Variants in NARS2 observed in about 807,000 individuals in gnomAD.
NARS2 encodes the protein asparaginyl-tRNA synthetase 2, mitochondrial, also known as asparaginyl-tRNA synthetase.
A neutral mutation model predicts 62.9 loss-of-function variants in NARS2; 60 were observed. The ratio of observed to expected loss-of-function variants is 0.95; its 90% CI spans 0.77 to 1.18. The LOEUF is 1.18. NARS2 is among the 50% of genes most tolerant of loss of function. The pLI, the probability that NARS2 is intolerant of heterozygous loss-of-function variation, is 0.00. For missense variants in NARS2, 619 were observed against 576.4 expected, an observed-to-expected ratio of 1.07 and a Z score of -0.76; for synonymous variants, 196 against 200.0, an observed-to-expected ratio of 0.98 and a Z score of 0.17.
At chr11:78,467,884 G>T (rs1161634522) in intron 10 of NARS2, among the ~76,000 whole-genome samples, 1 of 151,936 alleles carries the variant, frequency 6.6e-6, no homozygotes, top group African/African-American at 2.4e-5. Context: ...GTCTTTCTCT[G>T]TCACCTAGGC....
At chr11:78,572,876 T>A (rs1192412868) in intron 1 of NARS2, among the ~76,000 whole-genome samples, 3 of 152,196 alleles carry the variant, frequency 2.0e-5, no homozygotes, top group Non-Finnish European at 4.4e-5. Context: ...TCAAAATTGG[T>A]ATGTATTTTA....
chr11:78,488,340 C>T (rs563914465), intron 7 of NARS2, among the ~76,000 whole-genome samples: 1 of 151,610 alleles, frequency 6.6e-6, no homozygotes, highest in African/African-American at 2.4e-5. Context: ...GGATCCTTTA[C>T]GTGAAAGAGG....
At chr11:78,548,326 G>A (rs1283267625) in intron 5 of NARS2, among the ~76,000 whole-genome samples, 1 of 152,200 alleles carries the variant, frequency 6.6e-6, no homozygotes, top group African/African-American at 2.4e-5. Flanking sequence ...GAAGAGGTTT[G>A]ACCTGGGTTA....
intron 2 of NARS2, among the ~76,000 whole-genome samples, chr11:78,570,466 C>G (rs1230276818): frequency 6.6e-6 from 1 of 152,206 alleles, no homozygotes; most frequent in African/African-American, 2.4e-5. Context: ...TGGCTCACCA[C>G]AGCCTTGACC....
chr11:78,444,911 AAT>A (rs1857705860), intron 11 of NARS2, among the ~76,000 whole-genome samples: 2 of 152,218 alleles, frequency 1.3e-5, no homozygotes, highest in African/African-American at 4.8e-5. Flanking sequence ...TGAAAAATGC[AAT>A]ATGTTTTGAC....
intron 5 of NARS2, chr11:78,546,502 C>A (rs1361759633): frequency 6.6e-6 from 1 of 152,198 alleles, no homozygotes; most frequent in Non-Finnish European, 1.5e-5. Context: ...CTCTATTTTA[C>A]TTTTAGATTT....
In NARS2 at chr11:78,558,883, G is replaced by A. The variant is rs1031607634; in HGVS notation, c.594+656C>T. 2.0e-5 allele frequency among the ~76,000 whole-genome samples: 3 copies of A among 152,130 alleles called. 1 individual carries two copies. Among genetic ancestry groups the A allele is most frequent in the South Asian group, 4.2e-4 (2 of 4,814 alleles). On this transcript the variant is annotated intron_variant, in intron 5 of 13. Transcript: ENST00000281038. ...ATTTATATTTTAAAATATGACTTACGTCCACAAATATTAACTGTGGATTGA... is the reference window on the plus strand; with the variant it reads ...ATTTATATTTTAAAATATGACTTACATCCACAAATATTAACTGTGGATTGA...
In NARS2 at chr11:78,472,075, T is replaced by C. The variant is rs1041393671; in HGVS notation, c.960-2762A>G. On this transcript the variant is annotated intron_variant, in intron 9 of 13. Coordinates refer to ENST00000281038, the MANE Select transcript of NARS2 (RefSeq NM_024678.6). The stretch of plus-strand genomic sequence containing the variant: ...TCATTATTAAGAAATGACTCTCATG[T>C]CTAAATATCTCCTGTTATTCCACGT... Among the ~76,000 whole-genome samples, 5 of 152,186 alleles carry C rather than the reference T, an allele frequency of 3.3e-5. No homozygotes were observed. The East Asian group carries it at 7.7e-4, about 23-fold the overall frequency.
At position 78,469,283 on chromosome 11, in the gene NARS2, T is replaced by G. The variant is rs544972589; in HGVS notation, c.990A>C (p.Leu330Phe). Residue 330 changes from leucine (L) to phenylalanine (F), a missense_variant, in exon 10 of 14, where the codon TTA (leucine) becomes TTC (phenylalanine). Physicochemically the swap from Leu to Phe is conservative, Grantham distance 22. Transcript: ENST00000281038. ...AGGTGAAGTTCTGGGATGCTTGCTT[T>G]AAGATCTCCACTGCTTCAGTATAAG... ...IISYTEAVEI[L>F]KQASQNFTFT... The G allele has an allele frequency of 3.1e-6, 5 of 1,613,262 alleles. No homozygotes were observed. The African/African-American group carries it at 5.3e-5, about 17-fold the overall frequency.
chr11:78,463,713 CAA>C (rs10649252), intron 11 of NARS2, among the ~76,000 whole-genome samples: 1,500 of 47,976 alleles, frequency 0.031, 29 homozygotes, highest in African/African-American at 0.1. Context: ...TAGTTAAGGT[CAA>C]AAAAAAAAAA....
intron 9 of NARS2, among the ~76,000 whole-genome samples, chr11:78,469,873 G>A (rs1858795278): frequency 6.6e-6 from 1 of 152,128 alleles, no homozygotes. Context: ...AGGCAGAGGG[G>A]GTTTGGGGTG....
chr11:78,503,128 A>G (rs114151592), intron 6 of NARS2, among the ~76,000 whole-genome samples: 1,646 of 152,204 alleles, frequency 0.011, 36 homozygotes, highest in African/African-American at 0.039. Context: ...GGCTTAGACA[A>G]GTGAGTAAAT....
At chr11:78,523,538 C>T (rs772983181) in intron 6 of NARS2, among the ~76,000 whole-genome samples, 3 of 152,148 alleles carry the variant, frequency 2.0e-5, no homozygotes, top group African/African-American at 7.2e-5. Flanking sequence ...ACATTACTTA[C>T]AAGAGCCAAA....
rs549806314 is a variant in NARS2 at position 78,436,722 on chromosome 11, T to C, written c.1382A>G (p.Asn461Ser). The C allele has an allele frequency of 1.7e-5, 28 of 1,614,192 alleles. No homozygotes were observed. Among genetic ancestry groups the C allele is most frequent in the East Asian group, 8.9e-5 (4 of 44,882 alleles). Residue 461 changes from asparagine to serine, a missense_variant, in exon 14 of 14, where the codon AAT (asparagine) becomes AGT (serine). Coordinates refer to ENST00000281038, the MANE Select transcript of NARS2 (RefSeq NM_024678.6). ...TGGGAAAGGGATAACATCTTTGATA[T>C]TGTCAACACCCAAGATGCACTGCAG... Reference protein sequence around the residue: ...RYLQCILGVDNIKDVIPFPRF... With the variant: ...RYLQCILGVDSIKDVIPFPRF...
intron 9 of NARS2, among the ~76,000 whole-genome samples, chr11:78,478,101 T>C (rs1203351368): frequency 6.6e-6 from 1 of 152,174 alleles, no homozygotes; most frequent in Admixed American, 6.5e-5. Flanking sequence ...TTACAGTTTT[T>C]TAAATCAAGC....
chr11:78,438,381 C>T (rs991876696), intron 13 of NARS2, among the ~76,000 whole-genome samples: 1 of 151,984 alleles, frequency 6.6e-6, no homozygotes, highest in South Asian at 2.1e-4. Context: ...TTAAAGTTTA[C>T]GAGGCAGCGG....
chr11:78,458,362 C>T (rs566535568), intron 11 of NARS2, among the ~76,000 whole-genome samples: 27 of 152,252 alleles, frequency 1.8e-4, no homozygotes, highest in Non-Finnish European at 3.7e-4. Flanking sequence ...ATCTACTTTT[C>T]TTATATTACT....
intron 9 of NARS2, among the ~76,000 whole-genome samples, chr11:78,473,321 T>C (rs1043879099): frequency 8.5e-5 from 13 of 152,250 alleles, no homozygotes; most frequent in African/African-American, 2.7e-4. Context: ...CTTTCAACTA[T>C]GTGAAGATAC....
intron 7 of NARS2, among the ~76,000 whole-genome samples, chr11:78,485,821 TGGGAAA>T (rs1859549035): frequency 6.6e-6 from 1 of 152,154 alleles, no homozygotes; most frequent in East Asian, 1.9e-4. Flanking sequence ...ACAGAGGAAC[TGGGAAA>T]GGCAGACTGC....
Sources: gnomAD v4.1 joint callset for allele counts (sites outside exome capture counted in the v4.1 genomes callset) on GRCh38, gnomAD v4.1.1 for gene constraint, MANE v1.5 for transcripts, NCBI Gene and HGNC (gene_info 2026-07-23, HGNC 2026-07-21) for gene names.